Variants in PHEX observed in about 807,000 individuals in gnomAD.
PHEX encodes phosphate-regulating neutral endopeptidase PHEX.
A neutral mutation model predicts 68.0 loss-of-function variants in PHEX; 16 were observed. The observed-to-expected ratio is 0.24, with a 90% CI of 0.16 to 0.36. The LOEUF is 0.36. Ranked by LOEUF, PHEX falls within the 10% of genes least tolerant of loss-of-function variation. The pLI is 1.00. For missense variants in PHEX, 480 were observed against 575.5 expected (o/e 0.83, Z 1.70); for synonymous variants, 208 against 205.1 (o/e 1.01, Z -0.12).
intron 13 of PHEX, among the ~76,000 whole-genome samples, chrX:22,170,278 C>A (rs1336357562): frequency 9.0e-6 from 1 of 111,531 alleles, no homozygotes; most frequent in African/African-American, 3.3e-5. Flanking sequence ...CTGGGTAACT[C>A]CATACTATTG....
At position 22,130,311 on chromosome X, in the gene PHEX, G is replaced by A. The variant is rs748894782; in HGVS notation, c.1303-3212G>A. Among the ~76,000 whole-genome samples the A allele has an allele frequency of 5.1e-3, 570 of 111,369 alleles. 2 individuals carry two copies. The highest frequency in any genetic ancestry group is 8.3e-3 in the Non-Finnish European group (442 of 52,992). ...TCCCAGCACTTTGGGAGACTGAGGC[G>A]GGTGGATCACCTGAGCTCGGAGGTT... On this transcript the variant is annotated intron_variant, in intron 11 of 21. Transcript: ENST00000379374.
At chrX:22,136,177 G>A (rs201104551) in intron 12 of PHEX, among the ~76,000 whole-genome samples, 1 of 102,987 alleles carries the variant, frequency 9.7e-6, no homozygotes, top group Admixed American at 1.1e-4. Flanking sequence ...CGTTGTTTTT[G>A]AAAAAAAAAA....
chrX:22,123,111 T>A (rs1222964951), intron 11 of PHEX, among the ~76,000 whole-genome samples: 1 of 106,724 alleles, frequency 9.4e-6, no homozygotes, highest in Non-Finnish European at 1.9e-5. Flanking sequence ...CACTTTAGCC[T>A]GCGAGTAGCT....
chrX:22,179,132 A>T (rs971588988), intron 14 of PHEX, among the ~76,000 whole-genome samples: 3 of 111,306 alleles, frequency 2.7e-5, no homozygotes, highest in African/African-American at 9.8e-5. Context: ...GAAATTCTTC[A>T]GCTTAGGTTT....
intron 20 of PHEX, among the ~76,000 whole-genome samples, chrX:22,243,548 A>C (rs1936296074): frequency 8.9e-6 from 1 of 112,346 alleles, no homozygotes; most frequent in East Asian, 2.8e-4. Flanking sequence ...CAAAGGGCTA[A>C]TATCCAGAAT....
At chrX:22,093,272 G>A (rs1401141088) in intron 6 of PHEX, among the ~76,000 whole-genome samples, 1 of 111,782 alleles carries the variant, frequency 8.9e-6, no homozygotes, top group Non-Finnish European at 1.9e-5. Flanking sequence ...TGAGAGGTGG[G>A]CCTAAGGCAG....
chrX:22,116,461 A>G (rs188909429), intron 11 of PHEX, among the ~76,000 whole-genome samples: 10 of 111,913 alleles, frequency 8.9e-5, no homozygotes, highest in African/African-American at 3.2e-4. Flanking sequence ...ATAAGATACA[A>G]ATATATGAGC....
intron 4 of PHEX, 133 bp downstream of exon 4, chrX:22,076,607 A>G: frequency 3.9e-6 from 2 of 513,254 alleles, no homozygotes; most frequent in Non-Finnish European, 6.8e-6. Context: ...TGTTAAAGGA[A>G]TGATTGTGAA....
At chrX:22,086,565 T>G (rs146123588) in intron 5 of PHEX, among the ~76,000 whole-genome samples, 174 of 111,249 alleles carry the variant, frequency 1.6e-3, no homozygotes, top group African/African-American at 5.4e-3. Context: ...GCTTGGAGTT[T>G]TTTCACTTCT....
intron 15 of PHEX, among the ~76,000 whole-genome samples, chrX:22,200,819 G>A (rs1322925028): frequency 2.7e-5 from 3 of 110,519 alleles, no homozygotes; most frequent in Non-Finnish European, 3.8e-5. Flanking sequence ...CAGGAGGTGA[G>A]AGTGAGAAGT....
intron 5 of PHEX, among the ~76,000 whole-genome samples, chrX:22,090,098 G>A (rs1400174820): frequency 8.9e-6 from 1 of 112,082 alleles, no homozygotes; most frequent in African/African-American, 3.2e-5. Flanking sequence ...TCTGGCTTTT[G>A]TTTCTCCTCC....
At chrX:22,040,754 A>G (rs1367628418) in intron 2 of PHEX, among the ~76,000 whole-genome samples, 2 of 110,519 alleles carry the variant, frequency 1.8e-5, no homozygotes, top group African/African-American at 3.3e-5. Flanking sequence ...TGAGGAGTCA[A>G]TGGGGGACCC....
intron 20 of PHEX, among the ~76,000 whole-genome samples, chrX:22,240,367 G>A (rs1196779245): frequency 1.8e-5 from 2 of 111,978 alleles, no homozygotes; most frequent in Non-Finnish European, 3.8e-5. Context: ...ATAATGACAG[G>A]ATCAAATTCA....
intron 14 of PHEX, among the ~76,000 whole-genome samples, chrX:22,187,403 G>A (rs948572399): frequency 1.8e-5 from 2 of 111,788 alleles, no homozygotes; most frequent in Non-Finnish European, 1.9e-5. Context: ...AGCCAGCAGC[G>A]TGTCAAATCC....
intron 3 of PHEX, among the ~76,000 whole-genome samples, chrX:22,052,280 T>G (rs1404098827): frequency 8.9e-6 from 1 of 112,716 alleles, no homozygotes; most frequent in Admixed American, 9.4e-5. Flanking sequence ...AGGCTGGAAG[T>G]GCAGTAGCAC....
intron 2 of PHEX, among the ~76,000 whole-genome samples, chrX:22,041,796 G>A (rs897017428): frequency 5.4e-5 from 6 of 110,804 alleles, no homozygotes; most frequent in African/African-American, 9.8e-5. Flanking sequence ...TGTATGGAAG[G>A]CCACTTATTT....
rs775881559 is a variant in PHEX at position 22,245,569 on chromosome X, C to A, written c.2147+160C>A. On this transcript the variant is annotated intron_variant, in intron 21 of 21. Coordinates refer to ENST00000379374, the MANE Select transcript of PHEX (RefSeq NM_000444.6). ...TGCAGCCAAAAAATATCTGGCCACA[C>A]GGAAACTAAATATCTTCTTTCATTA... is the stretch of plus-strand genomic sequence containing the variant. 2.7e-5 allele frequency among the ~76,000 whole-genome samples: 3 copies of A among 111,218 alleles called. No individual in the cohort carries two copies. In the East Asian group the frequency reaches 8.5e-4, roughly 32 times the overall value.
intron 12 of PHEX, among the ~76,000 whole-genome samples, chrX:22,142,017 G>A (rs886994510): frequency 6.3e-5 from 7 of 111,991 alleles, no homozygotes; most frequent in South Asian, 3.7e-4. Flanking sequence ...TTGGGAGGCC[G>A]AGGCGGGTGG....
chrX:22,103,885 T>A (rs1459011744), intron 9 of PHEX, among the ~76,000 whole-genome samples: 1 of 112,176 alleles, frequency 8.9e-6, no homozygotes, highest in East Asian at 2.8e-4. Flanking sequence ...CTCCATACTG[T>A]TTTCCATAGT....
Sources: allele counts gnomAD v4.1 joint callset (sites outside exome capture counted in the v4.1 genomes callset), GRCh38; gene constraint gnomAD v4.1.1; transcripts MANE v1.5; gene names NCBI Gene and HGNC (gene_info 2026-07-23, HGNC 2026-07-21).